Variants in FRMD4B observed in about 807,000 individuals in gnomAD.
FRMD4B encodes FERM domain-containing protein 4B.
Under a neutral mutation model 141.5 loss-of-function variants are expected in FRMD4B, and 74 were observed. The ratio of observed to expected loss-of-function variants is 0.52; its 90% CI spans 0.43 to 0.63. The LOEUF is 0.63. FRMD4B is among the 30% of genes least tolerant of loss of function. The pLI, the probability that FRMD4B is intolerant of heterozygous loss-of-function variation, is 0.00. For missense variants in FRMD4B, 1,366 were observed against 1,253.4 expected, an observed-to-expected ratio of 1.09 and a Z score of -1.36; for synonymous variants, 506 against 467.9, an observed-to-expected ratio of 1.08 and a Z score of -1.05.
At position 69,183,474 on chromosome 3, in the gene FRMD4B, ATTTTTTTTT is replaced by A. The variant is rs771537044; in HGVS notation, c.1920-766_1920-758del. ...ATGGTGACAACACAATTAGAAGTTAATTTTTTTTTTTTTTTTTTTTTTTTTTGAGACTGA... is the reference window on the plus strand; with the variant it reads ...ATGGTGACAACACAATTAGAAGTTAATTTTTTTTTTTTTTTTTGAGACTGA... On this transcript the variant is annotated intron_variant, in intron 19 of 22. Transcript: ENST00000398540. Among the ~76,000 whole-genome samples, 64 of 113,272 alleles carry A rather than the reference ATTTTTTTTT, an allele frequency of 5.7e-4. 1 individual carries two copies. Among genetic ancestry groups the A allele is most frequent in the African/African-American group, 2.2e-3 (59 of 26,482 alleles). The allele number at this position is 113,272 out of a possible 152,430, so 74.3% of individuals were successfully genotyped here. A position where few individuals can be genotyped will look rare whatever the true frequency, so the allele number is the denominator to read the frequency against.
intron 22 of FRMD4B, among the ~76,000 whole-genome samples, chr3:69,175,905 C>A (rs951647214): frequency 5.9e-5 from 9 of 151,314 alleles, no homozygotes; most frequent in African/African-American, 2.2e-4. Flanking sequence ...TTCAGCCTCC[C>A]GAGTAGCTGG....
At chr3:69,340,346 T>C (rs1180661400) in intron 1 of FRMD4B, among the ~76,000 whole-genome samples, 1 of 152,174 alleles carries the variant, frequency 6.6e-6, no homozygotes, top group Non-Finnish European at 1.5e-5. Flanking sequence ...CCTTGGTGTC[T>C]GTTGTTCCTC....
chr3:69,341,118 G>A (rs1409362507), intron 1 of FRMD4B, among the ~76,000 whole-genome samples: 1 of 152,096 alleles, frequency 6.6e-6, no homozygotes, highest in Admixed American at 6.6e-5. Context: ...CTTTTAAAAA[G>A]AAGGAAAAAA....
chr3:69,442,993 C>T (rs914736258), intron 1 of FRMD4B, among the ~76,000 whole-genome samples: 7 of 152,176 alleles, frequency 4.6e-5, no homozygotes, highest in African/African-American at 1.7e-4. Context: ...GTGAGAGAAG[C>T]ATCTTTTGTT....
chr3:69,339,267 T>C (rs1341668583), intron 1 of FRMD4B, among the ~76,000 whole-genome samples: 1 of 152,096 alleles, frequency 6.6e-6, no homozygotes, highest in Non-Finnish European at 1.5e-5. Context: ...CTTTGGACAT[T>C]TTTGCATCCA....
At chr3:69,260,693 C>T (rs2093521376) in intron 5 of FRMD4B, among the ~76,000 whole-genome samples, 5 of 152,244 alleles carry the variant, frequency 3.3e-5, no homozygotes. Context: ...ACGGGATCCA[C>T]TAGGCGAAGC....
chr3:69,498,160 C>T (rs1706433757), intron 1 of FRMD4B, among the ~76,000 whole-genome samples: 1 of 152,170 alleles, frequency 6.6e-6, no homozygotes, highest in Admixed American at 6.5e-5. Context: ...GAAAAGAGAA[C>T]AATGCCTCCA....
chr3:69,196,435 C>T (rs763792355), intron 13 of FRMD4B, 39 bp from the exon 14 acceptor site: 2 of 1,491,916 alleles, frequency 1.3e-6, no homozygotes, highest in Admixed American at 2.0e-5. Flanking sequence ...TTAACTCAAA[C>T]ATACTTCAAA....
chr3:69,175,852 C>A (rs2092639431), intron 22 of FRMD4B, among the ~76,000 whole-genome samples: 1 of 148,056 alleles, frequency 6.8e-6, no homozygotes. Flanking sequence ...GCGATCTGGG[C>A]TCACTGCAAG....
chr3:69,508,792 G>C (rs146328170), intron 1 of FRMD4B, among the ~76,000 whole-genome samples: 63 of 152,262 alleles, frequency 4.1e-4, no homozygotes, highest in African/African-American at 1.2e-3. Flanking sequence ...TCATCATAAA[G>C]TGCCATCACT....
Position 69,171,776 on chromosome 3 carries a change from C to T in FRMD4B, c.*85G>A, listed in dbSNP as rs954541168. On this transcript the variant is annotated 3_prime_UTR_variant, in exon 23 of 23. Transcript: ENST00000398540. ...CTTTGATGTCTTTAGGTTTCTAAAA[C>T]GAACATCCTCTCGGAAGACAAATAC... 9.3e-6 allele frequency: 13 copies of T among 1,392,854 alleles called. No individual in the cohort carries two copies. Among genetic ancestry groups the T allele is most frequent in the Admixed American group, 1.9e-5 (1 of 52,230 alleles). 86.3% of individuals were successfully genotyped at this position (1,392,854 alleles called of 1,614,324 possible).
At chr3:69,488,441 G>A (rs1350582779) in intron 1 of FRMD4B, among the ~76,000 whole-genome samples, 1 of 152,136 alleles carries the variant, frequency 6.6e-6, no homozygotes, top group Admixed American at 6.5e-5. Flanking sequence ...AACTTCTATG[G>A]TCAACTGATT....
intron 1 of FRMD4B, among the ~76,000 whole-genome samples, chr3:69,359,977 C>T (rs997231213): frequency 6.6e-6 from 1 of 152,186 alleles, no homozygotes; most frequent in African/African-American, 2.4e-5. Context: ...GGCCCATGCT[C>T]TTACAAATGG....
intron 1 of FRMD4B, among the ~76,000 whole-genome samples, chr3:69,346,508 C>A (rs183906289): frequency 1.1e-4 from 16 of 152,206 alleles, no homozygotes; most frequent in Admixed American, 1.0e-3. Flanking sequence ...TCGAGAAGAG[C>A]AACTCCAAGA....
At chr3:69,424,844 C>G (rs188061687) in intron 2 of FRMD4B, among the ~76,000 whole-genome samples, 2 of 152,012 alleles carry the variant, frequency 1.3e-5, no homozygotes, top group African/African-American at 4.8e-5. Context: ...AGAGGCAAAG[C>G]TAAAATAATG....
chr3:69,466,530 TAAG>T (rs1485158930), intron 1 of FRMD4B, among the ~76,000 whole-genome samples: 7 of 152,124 alleles, frequency 4.6e-5, no homozygotes, highest in Admixed American at 2.6e-4. Context: ...TTCAAAATAA[TAAG>T]GAGGGGAGAA....
chr3:69,500,809 A>G (rs749853811), intron 1 of FRMD4B, among the ~76,000 whole-genome samples: 11 of 151,988 alleles, frequency 7.2e-5, no homozygotes, highest in Non-Finnish European at 1.3e-4. Flanking sequence ...GTCATCTCCC[A>G]CAGGGGAGGG....
chr3:69,247,895 C>T (rs1386236012), intron 7 of FRMD4B, among the ~76,000 whole-genome samples: 5 of 152,188 alleles, frequency 3.3e-5, no homozygotes, highest in African/African-American at 9.6e-5. Context: ...GTGATCTGCC[C>T]GCCTCAGCCT....
chr3:69,432,483 T>G (rs1368722902), intron 2 of FRMD4B, among the ~76,000 whole-genome samples: 1 of 152,218 alleles, frequency 6.6e-6, no homozygotes, highest in Non-Finnish European at 1.5e-5. Context: ...GTAAATATTT[T>G]GTTAATATGC....
Sources: allele counts gnomAD v4.1 joint callset (sites outside exome capture counted in the v4.1 genomes callset), GRCh38; gene constraint gnomAD v4.1.1; transcripts MANE v1.5; gene names NCBI Gene and HGNC (gene_info 2026-07-23, HGNC 2026-07-21).